The following SATB2 variants were observed in gnomAD, a reference collection of about 807,000 sequenced individuals.
SATB2 encodes the protein DNA-binding protein SATB2.
A neutral mutation model predicts 73.4 loss-of-function variants in SATB2; 1 was observed. The observed-to-expected ratio is 0.01, with a 90% CI of 0.00 to 0.06. SATB2 has a LOEUF of 0.06. SATB2 is among the 10% of genes least tolerant of loss of function. The pLI, the probability that SATB2 is intolerant of heterozygous loss-of-function variation, is 1.00. For missense variants in SATB2, 459 were observed against 945.8 expected, an observed-to-expected ratio of 0.49 and a Z score of 6.75; for synonymous variants, 397 against 367.0, an observed-to-expected ratio of 1.08 and a Z score of -0.93.
At chr2:199,461,976 C>G (rs1445210486), upstream of SATB2, among the ~76,000 whole-genome samples, 1 of 152,210 alleles carries the variant, frequency 6.6e-6, no homozygotes, top group South Asian at 2.1e-4. Context: ...GCCTGGGCGC[C>G]TGGGTGGAGG....
intron 10 of SATB2, among the ~76,000 whole-genome samples, chr2:199,283,370 G>A (rs577402657): frequency 2.6e-5 from 4 of 151,270 alleles, no homozygotes; most frequent in Non-Finnish European, 5.9e-5. Flanking sequence ...GATTACAGGC[G>A]TGAGCTACCA....
At chr2:199,305,978 C>T (rs1687421471) in intron 10 of SATB2, among the ~76,000 whole-genome samples, 1 of 152,130 alleles carries the variant, frequency 6.6e-6, no homozygotes, top group African/African-American at 2.4e-5. Flanking sequence ...CATTTCCTAT[C>T]TAATTAGACA....
At chr2:199,398,369 T>C (rs771600364) in intron 3 of SATB2, among the ~76,000 whole-genome samples, 1 of 152,334 alleles carries the variant, frequency 6.6e-6, no homozygotes, top group South Asian at 2.1e-4. Flanking sequence ...CTTTCTCATA[T>C]TGATTATTTT....
chr2:199,402,089 G>A lies in SATB2; in HGVS notation c.347-20269C>T, dbSNP rs117235633. ...TCAGACACTTCCAAATCTTCCTCAAGATTTGATACATTATTGGCTGGGCAC... is the reference window on the plus strand; with the variant it reads ...TCAGACACTTCCAAATCTTCCTCAAAATTTGATACATTATTGGCTGGGCAC... On this transcript the variant is annotated intron_variant, in intron 3 of 10. Coordinates refer to ENST00000417098, the MANE Select transcript of SATB2 (RefSeq NM_001172509.2). Among the ~76,000 whole-genome samples the A allele has an allele frequency of 2.6e-4, 40 of 152,162 alleles. No homozygotes were observed. The East Asian group carries it at 7.0e-3, about 27-fold the overall frequency.
At chr2:199,336,864 C>T (rs1688351189) in intron 7 of SATB2, among the ~76,000 whole-genome samples, 1 of 152,126 alleles carries the variant, frequency 6.6e-6, no homozygotes, top group African/African-American at 2.4e-5. Context: ...TGGGCTCTAA[C>T]TGGACAAGTA....
intron 4 of SATB2, 45 bp from the exon 5 acceptor site, chr2:199,380,532 G>A (rs758444717): frequency 6.2e-7 from 1 of 1,603,162 alleles, no homozygotes; most frequent in African/African-American, 1.3e-5. Context: ...CCTCAACCAG[G>A]GTCCCTGACT....
intron 3 of SATB2, among the ~76,000 whole-genome samples, chr2:199,414,949 T>A (rs551385878): frequency 6.6e-6 from 1 of 152,178 alleles, no homozygotes; most frequent in African/African-American, 2.4e-5. Context: ...AACGGCAGTC[T>A]TCCCATAAAG....
At chr2:199,442,575 C>A (rs1691850392) in intron 2 of SATB2, among the ~76,000 whole-genome samples, 1 of 151,948 alleles carries the variant, frequency 6.6e-6, no homozygotes, top group Admixed American at 6.6e-5. Flanking sequence ...AAAACAACAA[C>A]AAAAAATGTT....
rs886974605 is a variant in SATB2 at position 199,455,482 on chromosome 2, G to A, written c.169+387C>T. ...TTCCTGTACTCGCCTGAGCATTAAT[G>A]ACTATTTTATTCCCTAAAAGCGAAC... On this transcript the variant is annotated intron_variant, in intron 2 of 10. Transcript: ENST00000417098. This position sits in a 1 kb window ranked among gnomAD's most constrained non-coding sequence, Gnocchi z 4.1. Among the ~76,000 whole-genome samples, 3 of 152,180 alleles carry A rather than the reference G, an allele frequency of 2.0e-5. No individual in the cohort carries two copies. The highest frequency in any genetic ancestry group is 2.4e-5 in the African/African-American group (1 of 41,438).
chr2:199,287,501 T>C (rs1029854219), intron 10 of SATB2, among the ~76,000 whole-genome samples: 1 of 151,738 alleles, frequency 6.6e-6, no homozygotes, highest in Non-Finnish European at 1.5e-5. Context: ...ATAGTATTTA[T>C]AAATCTAGTG....
chr2:199,381,688 A>G lies in SATB2; in HGVS notation c.473+6T>C. 4 of 1,614,044 alleles carry G rather than the reference A, an allele frequency of 2.5e-6. No homozygotes were observed. The highest frequency in any genetic ancestry group is 2.5e-6 in the Non-Finnish European group (3 of 1,179,930). On this transcript the variant is annotated splice_donor_region_variant and intron_variant, in intron 4 of 10. Transcript: ENST00000417098. Reference sequence around the variant, plus strand: ...TAAGGAAAAGCAGATGTTCAGAAACACCCACCTTTGTAATTGGATTTTCAA... The same window carrying G: ...TAAGGAAAAGCAGATGTTCAGAAACGCCCACCTTTGTAATTGGATTTTCAA...
At chr2:199,281,667 C>T (rs1351012416) in intron 10 of SATB2, among the ~76,000 whole-genome samples, 2 of 152,028 alleles carry the variant, frequency 1.3e-5, no homozygotes, top group African/African-American at 2.4e-5. Flanking sequence ...CTAATATTCC[C>T]CTTTTTTCAA....
chr2:199,444,020 T>C (rs1441573988), intron 2 of SATB2, among the ~76,000 whole-genome samples: 1 of 152,088 alleles, frequency 6.6e-6, no homozygotes, highest in East Asian at 1.9e-4. Flanking sequence ...AGACAAAATA[T>C]TTTAAGTATA....
chr2:199,283,058 G>T (rs1692574400), intron 10 of SATB2, among the ~76,000 whole-genome samples: 1 of 151,248 alleles, frequency 6.6e-6, no homozygotes, highest in South Asian at 2.1e-4. Flanking sequence ...GCAAATCCAA[G>T]ACATTATTTA....
chr2:199,418,280 C>T (rs1691055371), intron 3 of SATB2, among the ~76,000 whole-genome samples: 1 of 152,118 alleles, frequency 6.6e-6, no homozygotes, highest in Non-Finnish European at 1.5e-5. Flanking sequence ...AGTCAGAGTC[C>T]ACAACGCCTA....
At chr2:199,359,863 A>T (rs1689087748) in intron 6 of SATB2, among the ~76,000 whole-genome samples, 1 of 152,222 alleles carries the variant, frequency 6.6e-6, no homozygotes, top group Non-Finnish European at 1.5e-5. Flanking sequence ...TGTACTCTAG[A>T]TGATTATAGA....
At chr2:199,288,494 A>C (rs1692750665) in intron 10 of SATB2, among the ~76,000 whole-genome samples, 1 of 152,230 alleles carries the variant, frequency 6.6e-6, no homozygotes, top group South Asian at 2.1e-4. Flanking sequence ...ACATGAGGCT[A>C]TTTAGAATCC....
intron 7 of SATB2, among the ~76,000 whole-genome samples, chr2:199,341,754 C>T (rs1320110628): frequency 6.6e-6 from 1 of 152,202 alleles, no homozygotes; most frequent in Non-Finnish European, 1.5e-5. Flanking sequence ...ACTCAAACTA[C>T]TACCCTATGG....
intron 10 of SATB2, among the ~76,000 whole-genome samples, chr2:199,285,736 A>G (rs886870417): frequency 6.6e-6 from 1 of 151,068 alleles, no homozygotes; most frequent in African/African-American, 2.4e-5. Flanking sequence ...AAAAAAAAAG[A>G]GAGAGAGAGA....
Sources: gnomAD v4.1 joint callset for allele counts (sites outside exome capture counted in the v4.1 genomes callset) on GRCh38, gnomAD v4.1.1 for gene constraint, Gnocchi (gnomAD v3.1) non-coding constraint, MANE v1.5 for transcripts, NCBI Gene and HGNC (gene_info 2026-07-23, HGNC 2026-07-21) for gene names.